The following LIN52 variants were observed in gnomAD, a reference collection of about 807,000 sequenced individuals.
LIN52 encodes the protein protein lin-52 homolog.
LIN52 carries 4 observed loss-of-function variants against 18.5 expected under a neutral mutation model. The observed-to-expected ratio is 0.22, with a 90% confidence interval of 0.11 to 0.49. LIN52 has a LOEUF of 0.49. Among genes scored for constraint, LIN52 ranks in the 20% least tolerant of loss-of-function variants. LIN52 has a pLI of 0.97. For synonymous variants in LIN52, 34 were observed against 45.5 expected, an observed-to-expected ratio of 0.75 and a Z score of 1.02; for missense variants, 102 against 139.5, an observed-to-expected ratio of 0.73 and a Z score of 1.35.
At chr14:74,138,202 A>G (rs2061108952) in intron 5 of LIN52, among the ~76,000 whole-genome samples, 1 of 152,214 alleles carries the variant, frequency 6.6e-6, no homozygotes, top group South Asian at 2.1e-4. Context: ...GCACATTCAG[A>G]AAACAGAGGG....
chr14:74,085,605 G>T (rs957784613), intron 1 of LIN52: 1 of 152,178 alleles, frequency 6.6e-6, no homozygotes, highest in Admixed American at 6.5e-5. Flanking sequence ...TGCACAGGTC[G>T]CAACCTGTCT....
intron 3 of LIN52, among the ~76,000 whole-genome samples, chr14:74,096,957 A>G (rs1422588350): frequency 2.0e-5 from 3 of 152,208 alleles, no homozygotes; most frequent in East Asian, 1.9e-4. Flanking sequence ...GCTTTCTTTC[A>G]TAGTTTTAAG....
intron 5 of LIN52, among the ~76,000 whole-genome samples, chr14:74,135,547 ATT>A (rs34777883): frequency 1.3e-5 from 2 of 151,618 alleles, no homozygotes; most frequent in Non-Finnish European, 2.9e-5. Context: ...GACCATAGCC[ATT>A]TTTTTTTATC....
intron 2 of LIN52, among the ~76,000 whole-genome samples, chr14:74,094,562 A>G (rs1212033884): frequency 1.3e-5 from 2 of 152,002 alleles, no homozygotes; most frequent in African/African-American, 4.8e-5. Flanking sequence ...CCTGGCCTAT[A>G]TCTAGTTTTT....
intron 5 of LIN52, among the ~76,000 whole-genome samples, chr14:74,114,614 A>C (rs895313184): frequency 1.3e-5 from 2 of 151,870 alleles, no homozygotes; most frequent in African/African-American, 2.4e-5. Context: ...ACAACAACAA[A>C]AATCACATAA....
rs2078942178 is a variant in LIN52, at chr14:74,200,509, A to C, written c.*1532A>C. ...AGAAAAGTTATGGTTTTGAGTCGTG[A>C]GTGTTTGCTAGGGCATGGCACTCTT... On this transcript the variant is annotated 3_prime_UTR_variant, in exon 6 of 6. Transcript: ENST00000555028. 6.8e-6 allele frequency: 1 copy of C among 147,664 alleles called. No homozygotes were observed. The highest frequency in any genetic ancestry group is 2.5e-5 in the African/African-American group (1 of 39,974). 9.1% of individuals were successfully genotyped at this position (147,664 alleles called of 1,614,324 possible).
At chr14:74,178,943 T>G (rs2061304826) in intron 5 of LIN52, among the ~76,000 whole-genome samples, 1 of 151,666 alleles carries the variant, frequency 6.6e-6, no homozygotes, top group Non-Finnish European at 1.5e-5. Flanking sequence ...AAAAATTAGC[T>G]GAGCATGATG....
At chr14:74,134,526 T>C (rs1595169804) in intron 5 of LIN52, among the ~76,000 whole-genome samples, 1 of 152,238 alleles carries the variant, frequency 6.6e-6, no homozygotes, top group East Asian at 1.9e-4. Context: ...TGAATTGATA[T>C]GGTAGATGTG....
At chr14:74,107,251 A>G (rs1566849051) in intron 5 of LIN52, among the ~76,000 whole-genome samples, 1 of 152,198 alleles carries the variant, frequency 6.6e-6, no homozygotes, top group African/African-American at 2.4e-5. Flanking sequence ...TTTATCTTCT[A>G]CTTGAACCCT....
intron 5 of LIN52, among the ~76,000 whole-genome samples, chr14:74,108,048 T>A (rs985220749): frequency 1.1e-4 from 16 of 152,180 alleles, no homozygotes; most frequent in Admixed American, 9.8e-4. Flanking sequence ...TCCCCAGACC[T>A]AGGCTGTTAC....
chr14:74,180,783 G>GA (rs1423031503), intron 5 of LIN52, among the ~76,000 whole-genome samples: 5 of 151,938 alleles, frequency 3.3e-5, no homozygotes, highest in African/African-American at 1.2e-4. Flanking sequence ...TTAATGAAGT[G>GA]AAAAAAATAC....
chr14:74,110,502 A>T (rs1278499022), intron 5 of LIN52, among the ~76,000 whole-genome samples: 2 of 151,998 alleles, frequency 1.3e-5, no homozygotes, highest in Non-Finnish European at 2.9e-5. Context: ...AACATGGTAA[A>T]ACCTTGTCTC....
intron 5 of LIN52, among the ~76,000 whole-genome samples, chr14:74,150,351 G>T (rs1566861368): frequency 6.6e-6 from 1 of 152,138 alleles, no homozygotes; most frequent in Non-Finnish European, 1.5e-5. Flanking sequence ...CCATGAAAAT[G>T]AACCAGCTCT....
intron 5 of LIN52, among the ~76,000 whole-genome samples, chr14:74,140,948 A>T (rs927509569): frequency 6.6e-6 from 1 of 152,056 alleles, no homozygotes; most frequent in African/African-American, 2.4e-5. Context: ...TCTGTCCCCC[A>T]TGGAAATTCA....
At position 74,198,988 on chromosome 14, in the gene LIN52, C is replaced by A; in HGVS notation, c.*11C>A. 6.2e-7 allele frequency: 1 copy of A among 1,602,244 alleles called. No homozygotes were observed. The highest frequency in any genetic ancestry group is 8.5e-7 in the Non-Finnish European group (1 of 1,169,828). Reference sequence around the variant, plus strand: ...AAGCCCAAGAAGTAGCAGCTGCTTGCGGACAGGATGTCCTGGGGTCCGAAA... The same window carrying A: ...AAGCCCAAGAAGTAGCAGCTGCTTGAGGACAGGATGTCCTGGGGTCCGAAA... On this transcript the variant is annotated 3_prime_UTR_variant, in exon 6 of 6. Coordinates refer to ENST00000555028, the MANE Select transcript of LIN52 (RefSeq NM_001024674.3).
intron 2 of LIN52, among the ~76,000 whole-genome samples, chr14:74,091,693 G>C (rs2060772942): frequency 7.0e-6 from 1 of 143,200 alleles, no homozygotes; most frequent in South Asian, 2.3e-4. Context: ...AGAATCTTTT[G>C]AACCCAGGAG....
intron 2 of LIN52, 109 bp from the exon 3 acceptor site, chr14:74,095,839 T>C (rs111716420): frequency 1.6e-6 from 1 of 626,674 alleles, no homozygotes; most frequent in Non-Finnish European, 2.6e-6. Context: ...ATTCTTTCTC[T>C]TCTTCTAAAC....
chr14:74,192,631 C>A, intron 5 of LIN52: 1 of 238,456 alleles, frequency 4.2e-6, no homozygotes, highest in South Asian at 5.2e-5. Flanking sequence ...TAGGATAGTT[C>A]AGTGGTGCAG....
chr14:74,100,483 A>AT (rs1054999241), intron 4 of LIN52, among the ~76,000 whole-genome samples: 111 of 148,540 alleles, frequency 7.5e-4, no homozygotes, highest in African/African-American at 2.0e-3. Context: ...TTTTATTTAT[A>AT]TTTTTTTTTT....
Sources: allele counts gnomAD v4.1 joint callset (sites outside exome capture counted in the v4.1 genomes callset), GRCh38; gene constraint gnomAD v4.1.1; transcripts MANE v1.5; gene names NCBI Gene and HGNC (gene_info 2026-07-23, HGNC 2026-07-21).